Variants in ERGIC3 observed in about 807,000 individuals in gnomAD.
The protein encoded by ERGIC3 is endoplasmic reticulum-Golgi intermediate compartment protein 3.
ERGIC3 carries 33 observed loss-of-function variants against 54.7 expected under a neutral mutation model. That is an observed-to-expected ratio of 0.60 (90% CI 0.46 to 0.81). ERGIC3 has a LOEUF of 0.81. Ranked by LOEUF, ERGIC3 falls within the 30% of genes least tolerant of loss-of-function variation. ERGIC3 has a pLI of 0.00. For missense variants in ERGIC3, 399 were observed against 488.4 expected (o/e 0.82, Z 1.73); for synonymous variants, 186 against 189.8 (o/e 0.98, Z 0.16).
chr20:35,556,110 C>T lies in ERGIC3; in HGVS notation c.795C>T (p.Thr265=). The T allele has an allele frequency of 6.2e-7, 1 of 1,614,178 alleles. No homozygotes were observed. Among genetic ancestry groups the T allele is most frequent in the Non-Finnish European group, 8.5e-7 (1 of 1,180,030 alleles). Residue 265 remains threonine (T), a synonymous_variant, in exon 9 of 13, where the codon ACC becomes ACT. Coordinates refer to ENST00000348547, the MANE Select transcript of ERGIC3 (RefSeq NM_015966.3). ...YPGIVNPLDH[T]NVTAPQASMM... is the part of the protein sequence containing the mutation. Reference sequence around the variant, plus strand: ...GCATTGTGAACCCCCTGGACCACACCAATGTCACTGCGCCCCAAGGTACCA... The same window carrying T: ...GCATTGTGAACCCCCTGGACCACACTAATGTCACTGCGCCCCAAGGTACCA...
chr20:35,543,166 C>G (rs1207270776), intron 4 of ERGIC3: 4 of 502,176 alleles, frequency 8.0e-6, no homozygotes, highest in Non-Finnish European at 1.4e-5. Flanking sequence ...CTCAGAGGTC[C>G]TCAATACCTG....
chr20:35,543,992 T>G, intron 4 of ERGIC3: 1 of 291,506 alleles, frequency 3.4e-6, no homozygotes, highest in South Asian at 3.5e-5. Context: ...ATCTAAGGAT[T>G]GATGGGGCAC....
intron 4 of ERGIC3, chr20:35,547,137 T>G: frequency 6.4e-6 from 2 of 312,114 alleles, no homozygotes; most frequent in Non-Finnish European, 6.1e-6. Flanking sequence ...CAAAGAGTCA[T>G]TGTGGGGATG....
Position 35,547,453 on chromosome 20 carries a change from C to G in ERGIC3, c.409C>G (p.Leu137Val), listed in dbSNP as rs779058707. 6.2e-7 allele frequency: 1 copy of G among 1,614,142 alleles called. No homozygotes were observed. Among genetic ancestry groups the G allele is most frequent in the Non-Finnish European group, 8.5e-7 (1 of 1,180,018 alleles). ...VEVTVFDPDS[L>V]DPDRCESCYG... ...GGTGACGGTGTTTGACCCTGACTCC[C>G]TGGACCCTGATCGCTGTGAGAGCTG... The change falls in exon 5 of 13, where the codon CTG becomes GTG. Residue 137 changes from leucine to valine, a missense_variant. Leu to Val is a conservative substitution (Grantham distance 32). Coordinates refer to ENST00000348547, the MANE Select transcript of ERGIC3 (RefSeq NM_015966.3).
At chr20:35,554,366 C>T in intron 7 of ERGIC3, 1 of 1,614,216 alleles carries the variant, frequency 6.2e-7, no homozygotes, top group Non-Finnish European at 8.5e-7. Flanking sequence ...CTCCCCCATG[C>T]TGCAGTACAT....
At chr20:35,542,424 G>T in intron 2 of ERGIC3, 31 bp downstream of exon 2, 2 of 1,613,904 alleles carry the variant, frequency 1.2e-6, no homozygotes, top group South Asian at 1.1e-5. Context: ...CGTGGGCGGG[G>T]CTTGGCATTC....
intron 7 of ERGIC3, among the ~76,000 whole-genome samples, chr20:35,552,972 G>GTA (rs1038907957): frequency 8.7e-5 from 13 of 148,716 alleles, no homozygotes; most frequent in Admixed American, 6.8e-5. Context: ...CGATATCTAG[G>GTA]TGACTGAAAC....
chr20:35,556,017 A>G lies in ERGIC3; in HGVS notation c.718-16A>G. On this transcript the variant is annotated splice_polypyrimidine_tract_variant and intron_variant, in intron 8 of 12. Coordinates refer to ENST00000348547, the MANE Select transcript of ERGIC3 (RefSeq NM_015966.3). ...CATCAGAGCTTTGGATGAGCTCTGG[A>G]TGGTGTTGTTTACAGATCAACATGA... The G allele has an allele frequency of 6.2e-7, 1 of 1,612,572 alleles. No individual in the cohort carries two copies. Among genetic ancestry groups the G allele is most frequent in the South Asian group, 1.1e-5 (1 of 91,026 alleles).
At chr20:35,547,135 C>T (rs957019035) in intron 4 of ERGIC3, 4 of 316,076 alleles carry the variant, frequency 1.3e-5, no homozygotes, top group Non-Finnish European at 2.4e-5. Flanking sequence ...CTCAAAGAGT[C>T]ATTGTGGGGA....
chr20:35,548,587 G>A lies in ERGIC3; in HGVS notation c.540G>A (p.Glu180=), dbSNP rs958716105. 2 of 1,614,118 alleles carry A rather than the reference G, an allele frequency of 1.2e-6. No homozygotes were observed. Among genetic ancestry groups the A allele is most frequent in the Non-Finnish European group, 1.7e-6 (2 of 1,180,046 alleles). The change falls in exon 6 of 13, where the codon GAG becomes GAA. Residue 180 remains glutamate, a synonymous_variant. Transcript: ENST00000348547. ...CCTTCAAGAACCCAGATACTATTGA[G>A]CAGTGCCGGCGAGAGGGCTTCAGCC... is the stretch of plus-strand genomic sequence containing the variant. ...GWAFKNPDTI[E]QCRREGFSQK...
chr20:35,557,592 C>T lies in ERGIC3; in HGVS notation c.*88C>T, dbSNP rs2064722602. 1.8e-6 allele frequency: 2 copies of T among 1,096,548 alleles called. No individual in the cohort carries two copies. Among genetic ancestry groups the T allele is most frequent in the South Asian group, 1.3e-5 (1 of 78,744 alleles). 67.9% of individuals were successfully genotyped at this position (1,096,548 alleles called of 1,614,324 possible). The stretch of plus-strand genomic sequence containing the variant: ...GCCACCCTCCACCTCCTCGGTCAGC[C>T]CCAGCCCCAGGTTGATAAATCTATT... On this transcript the variant is annotated 3_prime_UTR_variant, in exon 13 of 13. Transcript: ENST00000348547.
chr20:35,542,229 A>G (rs778033251), intron 1 of ERGIC3, 44 bp downstream of exon 1: 2 of 1,603,842 alleles, frequency 1.2e-6, no homozygotes, highest in South Asian at 2.2e-5. Context: ...GGGGCGTCCT[A>G]GAGCTTAGCC....
At chr20:35,554,478 T>G (rs2064700581) in intron 7 of ERGIC3, 1 of 1,442,366 alleles carries the variant, frequency 6.9e-7, no homozygotes. Flanking sequence ...GGGCTGTGAT[T>G]GGGTCTCCTC....
rs1168405691 is a variant in ERGIC3, at chr20:35,544,805, CTTTTT to C, written c.367+1881_367+1885del. Reference sequence around the variant, plus strand: ...AGGGCTGGTGCCACGCGGGGATCTACTTTTTTTTTTTTTTTTTTTTTGAGTCACGC... The same window carrying C: ...AGGGCTGGTGCCACGCGGGGATCTACTTTTTTTTTTTTTTTTGAGTCACGC... On this transcript the variant is annotated intron_variant, in intron 4 of 12. Coordinates refer to ENST00000348547, the MANE Select transcript of ERGIC3 (RefSeq NM_015966.3). 2.6e-4 allele frequency: 20 copies of C among 75,656 alleles called. 1 individual carries two copies. Among genetic ancestry groups the C allele is most frequent in the South Asian group, 1.6e-3 (3 of 1,922 alleles). The allele number at this position is 75,656 out of a possible 1,614,324, so 4.7% of individuals were successfully genotyped here.
chr20:35,554,969 AG>A, intron 7 of ERGIC3, 74 bp from the exon 8 acceptor site: 1 of 1,554,598 alleles, frequency 6.4e-7, no homozygotes. Flanking sequence ...TTTGCAGTCC[AG>A]GGGGAGGAAG....
rs1457668455 is a variant in ERGIC3, at chr20:35,547,329, AGCAAAGG to A, written c.368-80_368-74del. ...GTTATTATAACTTTTATTATCCCTA[AGCAAAGG>A]GCTTGTGCAGACTGGAGCCACCGAT... is the stretch of plus-strand genomic sequence containing the variant. On this transcript the variant is annotated intron_variant, in intron 4 of 12. Coordinates refer to ENST00000348547, the MANE Select transcript of ERGIC3 (RefSeq NM_015966.3). 40 of 1,013,554 alleles carry A rather than the reference AGCAAAGG, an allele frequency of 3.9e-5. No individual in the cohort carries two copies. The East Asian group carries it at 7.2e-4, about 18-fold the overall frequency. 62.8% of individuals were successfully genotyped at this position (1,013,554 alleles called of 1,614,324 possible). A position where few individuals can be genotyped will look rare whatever the true frequency, so the allele number is the denominator to read the frequency against.
At chr20:35,544,739 C>G (rs535827906) in intron 4 of ERGIC3, 2 of 155,578 alleles carry the variant, frequency 1.3e-5, no homozygotes, top group African/African-American at 4.9e-5. Context: ...GTGGGTAGCA[C>G]AGAGCCATGG....
intron 9 of ERGIC3, 25 bp downstream of exon 9, chr20:35,556,154 A>G: frequency 1.2e-6 from 2 of 1,614,106 alleles, no homozygotes; most frequent in Non-Finnish European, 1.7e-6. Flanking sequence ...GGCAGCCCCC[A>G]GCCGCAGAAG....
In ERGIC3 at chr20:35,556,151, C is replaced by T. The variant is rs775337513; in HGVS notation, c.814+22C>T. 5 of 1,614,014 alleles carry T rather than the reference C, an allele frequency of 3.1e-6. No individual in the cohort carries two copies. The Admixed American group carries it at 6.7e-5, about 22-fold the overall frequency. ...CAAGGTACCAGCCCGGGAGGCAGCC[C>T]CCAGCCGCAGAAGGCCGGCCGGGCA... On this transcript the variant is annotated intron_variant, in intron 9 of 12. Coordinates refer to ENST00000348547, the MANE Select transcript of ERGIC3 (RefSeq NM_015966.3).
Sources: gnomAD v4.1 joint callset for allele counts (sites outside exome capture counted in the v4.1 genomes callset) on GRCh38, gnomAD v4.1.1 for gene constraint, MANE v1.5 for transcripts, NCBI Gene and HGNC (gene_info 2026-07-23, HGNC 2026-07-21) for gene names.